CD226: variants seen among roughly 807,000 people sequenced by gnomAD.
The protein encoded by CD226 is CD226 antigen.
Under a neutral mutation model 34.9 loss-of-function variants are expected in CD226, and 24 were observed. That is an observed-to-expected ratio of 0.69 (90% CI 0.50 to 0.97). The LOEUF (loss-of-function observed/expected upper bound fraction) is 0.97. Among genes scored for constraint, CD226 ranks in the 50% least tolerant of loss-of-function variants. The pLI is 0.00. For synonymous variants in CD226, 148 were observed against 147.4 expected (o/e 1.00, Z -0.03); for missense variants, 397 against 412.7 (o/e 0.96, Z 0.33).
intron 2 of CD226, among the ~76,000 whole-genome samples, chr18:69,919,426 T>G (rs1209304716): frequency 6.6e-6 from 1 of 152,138 alleles, no homozygotes; most frequent in Non-Finnish European, 1.5e-5. Context: ...CCAAGGAAAT[T>G]TATCACATAA....
intron 3 of CD226, among the ~76,000 whole-genome samples, chr18:69,887,053 A>C (rs1438101689): frequency 6.6e-6 from 1 of 152,234 alleles, no homozygotes; most frequent in East Asian, 1.9e-4. Context: ...AGAGCCAATA[A>C]TTTAAAAATG....
chr18:69,904,518 C>T (rs1294716964), intron 2 of CD226, among the ~76,000 whole-genome samples: 1 of 152,172 alleles, frequency 6.6e-6, no homozygotes, highest in Non-Finnish European at 1.5e-5. Flanking sequence ...CGTGGGTCCC[C>T]TTGGTGTAAT....
upstream of CD226, among the ~76,000 whole-genome samples, chr18:69,958,391 T>C (rs1489760771): frequency 1.3e-5 from 2 of 152,198 alleles, no homozygotes; most frequent in African/African-American, 2.4e-5. Context: ...TTGTTTCCAA[T>C]CTGCCATCGT....
At chr18:69,928,640 T>G (rs773225154) in intron 2 of CD226, among the ~76,000 whole-genome samples, 13 of 152,166 alleles carry the variant, frequency 8.5e-5, no homozygotes, top group Non-Finnish European at 1.6e-4. Flanking sequence ...TTTTGGATTT[T>G]GGAATATTTA....
rs775841496 is a variant in CD226, at chr18:69,857,788, T to C, written c.*6526A>G. Reference sequence around the variant, plus strand: ...CACTTATTTGACCACAGGTAGAAGATTGGCTCTGCTTTCTTCCTGTAATAA... The same window carrying C: ...CACTTATTTGACCACAGGTAGAAGACTGGCTCTGCTTTCTTCCTGTAATAA... On this transcript the variant is annotated 3_prime_UTR_variant, in exon 6 of 6. Transcript: ENST00000582621. 5 of 152,314 alleles carry C rather than the reference T, an allele frequency of 3.3e-5. No homozygotes were observed. Among genetic ancestry groups the C allele is most frequent in the South Asian group, 2.1e-4 (1 of 4,828 alleles). The allele number at this position is 152,314 out of a possible 1,614,324, so 9.4% of individuals were successfully genotyped here.
intron 3 of CD226, among the ~76,000 whole-genome samples, chr18:69,888,346 T>C (rs544066945): frequency 1.3e-4 from 20 of 152,250 alleles, no homozygotes; most frequent in African/African-American, 4.8e-4. Flanking sequence ...TAAATGGTTA[T>C]TTCACAGTCA....
upstream of CD226, among the ~76,000 whole-genome samples, chr18:69,950,525 C>T (rs567626518): frequency 1.3e-5 from 2 of 152,006 alleles, no homozygotes; most frequent in African/African-American, 4.8e-5. Flanking sequence ...GGTTGGTGGT[C>T]GGGAAAGGCT....
chr18:69,926,332 T>C (rs774255133), intron 2 of CD226, among the ~76,000 whole-genome samples: 12 of 152,120 alleles, frequency 7.9e-5, no homozygotes, highest in Admixed American at 3.9e-4. Flanking sequence ...AAGGACACCC[T>C]GCCCTTTCTT....
chr18:69,907,035 CTG>C (rs748001170), intron 2 of CD226, among the ~76,000 whole-genome samples: 7 of 152,174 alleles, frequency 4.6e-5, no homozygotes, highest in Non-Finnish European at 1.0e-4. Context: ...GATCCAGTGA[CTG>C]ACCCTGGTAG....
chr18:69,855,670 T>C lies in CD226; in HGVS notation c.*8644A>G, dbSNP rs898620634. On this transcript the variant is annotated 3_prime_UTR_variant, in exon 6 of 6. Coordinates refer to ENST00000582621, the MANE Select transcript of CD226 (RefSeq NM_001303618.2). ...AAGGAGAAAAACCTAGGTTGATCAATGAAAGATATGCCACGAGAGAAAATT... is the reference window on the plus strand; with the variant it reads ...AAGGAGAAAAACCTAGGTTGATCAACGAAAGATATGCCACGAGAGAAAATT... 1.3e-5 allele frequency: 2 copies of C among 151,894 alleles called. No homozygotes were observed. Among genetic ancestry groups the C allele is most frequent in the Non-Finnish European group, 2.9e-5 (2 of 67,970 alleles). The allele number at this position is 151,894 out of a possible 1,614,324, so 9.4% of individuals were successfully genotyped here.
upstream of CD226, among the ~76,000 whole-genome samples, chr18:69,959,234 A>G (rs576041957): frequency 4.8e-4 from 73 of 152,354 alleles, no homozygotes; most frequent in African/African-American, 1.7e-3. Flanking sequence ...CAGAGAACAG[A>G]TGTCCTAAAT....
intron 2 of CD226, among the ~76,000 whole-genome samples, chr18:69,934,446 T>C (rs1367292566): frequency 6.6e-6 from 1 of 152,204 alleles, no homozygotes; most frequent in Non-Finnish European, 1.5e-5. Flanking sequence ...GTTAAGTTTC[T>C]TAGGATTCTG....
intron 1 of CD226, among the ~76,000 whole-genome samples, chr18:69,954,870 CAAAT>C (rs1356401183): frequency 1.3e-5 from 2 of 152,118 alleles, no homozygotes; most frequent in African/African-American, 4.8e-5. Context: ...TAACCAAAGA[CAAAT>C]AGAGACAGCG....
At chr18:69,911,985 T>C (rs1407805357) in intron 2 of CD226, among the ~76,000 whole-genome samples, 4 of 152,182 alleles carry the variant, frequency 2.6e-5, no homozygotes, top group African/African-American at 9.7e-5. Flanking sequence ...CATTTTCTTA[T>C]ATCTATTCAA....
At chr18:69,883,589 T>C (rs987951874) in intron 3 of CD226, among the ~76,000 whole-genome samples, 8 of 152,142 alleles carry the variant, frequency 5.3e-5, no homozygotes, top group African/African-American at 1.9e-4. Context: ...TCGAATTCTT[T>C]CCATCTAAAA....
chr18:69,889,394 C>T (rs773742969), intron 3 of CD226, among the ~76,000 whole-genome samples: 2 of 151,958 alleles, frequency 1.3e-5, no homozygotes, highest in Non-Finnish European at 2.9e-5. Context: ...CAGCCCAGTG[C>T]ACACCAGTTC....
chr18:69,882,209 A>G (rs1168074070), intron 3 of CD226, among the ~76,000 whole-genome samples: 2 of 152,224 alleles, frequency 1.3e-5, no homozygotes, highest in Non-Finnish European at 2.9e-5. Context: ...TTTTGCTACA[A>G]TTTGCCTCTC....
upstream of CD226, among the ~76,000 whole-genome samples, chr18:69,949,154 A>G (rs1428055326): frequency 6.6e-6 from 1 of 152,170 alleles, no homozygotes; most frequent in African/African-American, 2.4e-5. Flanking sequence ...CGTAGCAATC[A>G]GAAACCGCGG....
At chr18:69,906,996 G>A (rs1163731302) in intron 2 of CD226, among the ~76,000 whole-genome samples, 3 of 152,150 alleles carry the variant, frequency 2.0e-5, no homozygotes, top group African/African-American at 7.2e-5. Context: ...GAGCCTGCCT[G>A]AGAATGCACA....
Sources: gnomAD v4.1 joint callset for allele counts (sites outside exome capture counted in the v4.1 genomes callset) on GRCh38, gnomAD v4.1.1 for gene constraint, MANE v1.5 for transcripts, NCBI Gene and HGNC (gene_info 2026-07-23, HGNC 2026-07-21) for gene names.